The following DNAAF9 variants were observed in gnomAD, a reference collection of about 807,000 sequenced individuals.
DNAAF9 encodes dynein axonemal assembly factor 9.
Under a neutral mutation model 167.0 loss-of-function variants are expected in DNAAF9, and 90 were observed. The observed-to-expected ratio is 0.54, with a 90% CI of 0.45 to 0.64. The LOEUF (loss-of-function observed/expected upper bound fraction) is 0.64, where lower values mean the gene tolerates loss of function less well. DNAAF9 is among the 30% of genes least tolerant of loss of function. DNAAF9 has a pLI of 0.00. For synonymous variants in DNAAF9, 491 were observed against 508.8 expected, an observed-to-expected ratio of 0.96 and a Z score of 0.47; for missense variants, 1,315 against 1,442.2, an observed-to-expected ratio of 0.91 and a Z score of 1.43.
intron 14 of DNAAF9, 51 bp from the exon 15 acceptor site, chr20:3,322,747 A>C (rs1184816419): frequency 7.5e-7 from 1 of 1,338,370 alleles, no homozygotes. Flanking sequence ...CCTGCTCCTC[A>C]GATACCTGTG....
Position 3,267,794 on chromosome 20 carries a change from C to T in DNAAF9, c.2786+2633G>A, listed in dbSNP as rs892181054. On this transcript the variant is annotated intron_variant, in intron 30 of 36. Transcript: ENST00000252032. ...AGGTTGCAGTGAGCTGAGATCGTGT[C>T]ACGGCACTCCAGCCTGGGTGACAGA... Among the ~76,000 whole-genome samples the T allele has an allele frequency of 2.0e-5, 3 of 151,984 alleles. No individual in the cohort carries two copies. The South Asian group carries it at 6.2e-4, about 32-fold the overall frequency.
Position 3,259,988 on chromosome 20 carries a change from T to A in DNAAF9, c.2914A>T (p.Met972Leu). 6.2e-7 allele frequency: 1 copy of A among 1,612,294 alleles called. No individual in the cohort carries two copies. The highest frequency in any genetic ancestry group is 8.5e-7 in the Non-Finnish European group (1 of 1,178,330). ...CCAAACCATACGCAGATCTGAACCA[T>A]TAGGGGATAGACTGATCCAGCATTC... ...KLNAGSVYPL[M>L]VQICVWFGRP... Residue 972 changes from methionine (M) to leucine (L), a missense_variant, in exon 32 of 37, where the codon ATG (methionine) becomes TTG (leucine). Physicochemically the swap from Met to Leu is conservative, Grantham distance 15 (BLOSUM62 2). Coordinates refer to ENST00000252032, the MANE Select transcript of DNAAF9 (RefSeq NM_001009984.3).
chr20:3,374,871 G>A (rs1209442646), intron 5 of DNAAF9, among the ~76,000 whole-genome samples, 159 bp downstream of exon 5: 1 of 152,116 alleles, frequency 6.6e-6, no homozygotes, highest in Non-Finnish European at 1.5e-5. Flanking sequence ...ATACAAGCTT[G>A]CACAGAAAAG....
rs554649049 is a variant in DNAAF9 at position 3,294,275 on chromosome 20, T to C, written c.2121-19A>G. The stretch of plus-strand genomic sequence containing the variant: ...GAGAAACCTAAAAACACAAAGACAA[T>C]GCTATTATGTTACCATCCTAGCCTG... On this transcript the variant is annotated intron_variant, in intron 24 of 36. Transcript: ENST00000252032. 10 of 1,507,802 alleles carry C rather than the reference T, an allele frequency of 6.6e-6. No individual in the cohort carries two copies. In the African/African-American group the frequency reaches 1.2e-4, roughly 19 times the overall value. The allele number at this position is 1,507,802 out of a possible 1,614,324, so 93.4% of individuals were successfully genotyped here. A position where few individuals can be genotyped will look rare whatever the true frequency, so the allele number is the denominator to read the frequency against.
chr20:3,305,424 T>C (rs1222070398), intron 20 of DNAAF9, among the ~76,000 whole-genome samples: 2 of 152,248 alleles, frequency 1.3e-5, no homozygotes, highest in Non-Finnish European at 2.9e-5. Context: ...GAAGTAGTTC[T>C]TAAAGCTCAA....
intron 17 of DNAAF9, among the ~76,000 whole-genome samples, chr20:3,317,264 G>A (rs1270689798): frequency 6.6e-6 from 1 of 150,716 alleles, no homozygotes; most frequent in African/African-American, 2.4e-5. Flanking sequence ...GGGAGGCTGA[G>A]GTGGGAAAAT....
At chr20:3,401,929 G>A (rs1473363996) in intron 1 of DNAAF9, among the ~76,000 whole-genome samples, 1 of 152,138 alleles carries the variant, frequency 6.6e-6, no homozygotes, top group African/African-American at 2.4e-5. Context: ...ATGGTAGAAG[G>A]GACGCCAGCA....
intron 1 of DNAAF9, among the ~76,000 whole-genome samples, chr20:3,393,152 T>C (rs1346879115): frequency 6.6e-6 from 1 of 152,146 alleles, no homozygotes; most frequent in African/African-American, 2.4e-5. Context: ...TGATCACTAA[T>C]GATGTTGAAT....
intron 1 of DNAAF9, among the ~76,000 whole-genome samples, chr20:3,398,390 A>C (rs1335223505): frequency 1.3e-5 from 2 of 152,170 alleles, no homozygotes; most frequent in African/African-American, 4.8e-5. Flanking sequence ...TTTTTTACTT[A>C]AATCCTTTGA....
At chr20:3,278,768 A>G in intron 29 of DNAAF9, 144 bp downstream of exon 29, 2 of 751,460 alleles carry the variant, frequency 2.7e-6, no homozygotes, top group Admixed American at 3.8e-5. Flanking sequence ...AAATATGGTA[A>G]AAGTAAAGGT....
intron 6 of DNAAF9, among the ~76,000 whole-genome samples, chr20:3,362,716 A>T (rs1464233240): frequency 6.6e-6 from 1 of 152,098 alleles, no homozygotes; most frequent in Non-Finnish European, 1.5e-5. Flanking sequence ...GTCTAGGGGG[A>T]AGGAGAAGAC....
chr20:3,346,827 G>A (rs2070202943), intron 8 of DNAAF9, among the ~76,000 whole-genome samples: 1 of 151,902 alleles, frequency 6.6e-6, no homozygotes. Context: ...AGTAATAGAA[G>A]AAGAAAAAAG....
chr20:3,299,646 G>A (rs2069148468), intron 21 of DNAAF9, among the ~76,000 whole-genome samples: 1 of 152,170 alleles, frequency 6.6e-6, no homozygotes. Flanking sequence ...CTGTCCTTTT[G>A]ACATTGAATG....
rs749933412 is a variant in DNAAF9, at chr20:3,290,139, C to T, written c.2317G>A (p.Glu773Lys). ...ATCAGCCATACTAACCTGCCACATT[C>T]CTTATGCAGAGTGACCAGAAAAGCA... ...LCAFLVTLHK[E>K]CGRWMVYRQI... Residue 773 changes from glutamate (E) to lysine (K), a missense_variant, in exon 26 of 37, where the codon GAA (glutamate) becomes AAA (lysine). Physicochemically the swap from Glu to Lys is moderately conservative, Grantham distance 56 (BLOSUM62 1). Around this residue, in one of 2 missense-constraint regions of DNAAF9, gnomAD observed 981 missense variants for 1,012.5 expected, o/e 0.97. Transcript: ENST00000252032. 4 of 1,608,884 alleles carry T rather than the reference C, an allele frequency of 2.5e-6. No individual in the cohort carries two copies. The highest frequency in any genetic ancestry group is 2.2e-5 in the East Asian group (1 of 44,864).
chr20:3,362,339 G>A (rs1212582629), intron 6 of DNAAF9: 15 of 701,458 alleles, frequency 2.1e-5, no homozygotes, highest in African/African-American at 3.6e-5. Flanking sequence ...CACTGCTGTC[G>A]CTTGAAGCGG....
intron 29 of DNAAF9, among the ~76,000 whole-genome samples, chr20:3,277,728 T>G (rs192422735): frequency 2.5e-4 from 38 of 152,278 alleles, no homozygotes; most frequent in African/African-American, 8.7e-4. Context: ...AATCTCCATT[T>G]CATCCTGTTT....
At chr20:3,288,708 A>G (rs1477246579) in intron 26 of DNAAF9, among the ~76,000 whole-genome samples, 1 of 152,166 alleles carries the variant, frequency 6.6e-6, no homozygotes, top group African/African-American at 2.4e-5. Flanking sequence ...ACTGGATATT[A>G]AACACCTGGT....
intron 1 of DNAAF9, among the ~76,000 whole-genome samples, chr20:3,396,997 A>G (rs2083917405): frequency 6.6e-6 from 1 of 152,214 alleles, no homozygotes; most frequent in Non-Finnish European, 1.5e-5. Flanking sequence ...CTGTAATCCC[A>G]GCACTGGGGG....
At chr20:3,406,084 T>G (rs1439176365) in intron 1 of DNAAF9, among the ~76,000 whole-genome samples, 1 of 152,216 alleles carries the variant, frequency 6.6e-6, no homozygotes, top group East Asian at 1.9e-4. Flanking sequence ...ATGCAATGTT[T>G]CATTGGTATC....
Sources: allele counts gnomAD v4.1 joint callset (sites outside exome capture counted in the v4.1 genomes callset), GRCh38; gene constraint gnomAD v4.1.1; regional missense constraint gnomAD v4.1.1; transcripts MANE v1.5; gene names NCBI Gene and HGNC (gene_info 2026-07-23, HGNC 2026-07-21).